Variants in AGBL2 observed in about 807,000 individuals in gnomAD.
AGBL2 encodes the protein AGBL carboxypeptidase 2.
In AGBL2, 87 loss-of-function variants were observed where a neutral mutation model predicts 103.0. The observed-to-expected ratio is 0.84, with a 90% CI of 0.71 to 1.01. AGBL2 has a LOEUF of 1.01. AGBL2 is among the 50% of genes least tolerant of loss of function. AGBL2 has a pLI of 0.00. For missense variants in AGBL2, 904 were observed against 1,023.5 expected, an observed-to-expected ratio of 0.88 and a Z score of 1.59; for synonymous variants, 335 against 356.7, an observed-to-expected ratio of 0.94 and a Z score of 0.69.
At chr11:47,713,726 C>G (rs2097542293) in intron 3 of AGBL2, among the ~76,000 whole-genome samples, 1 of 150,970 alleles carries the variant, frequency 6.6e-6, no homozygotes, top group Non-Finnish European at 1.5e-5. Context: ...GTAGCTGGGA[C>G]TACAGGCACC....
At chr11:47,706,923 G>A (rs371204332) in intron 4 of AGBL2, among the ~76,000 whole-genome samples, 10 of 136,710 alleles carry the variant, frequency 7.3e-5, no homozygotes, top group African/African-American at 1.1e-4. Context: ...AGAATTAGCC[G>A]GGCCTGTAAT....
Position 47,714,631 on chromosome 11 carries a change from G to A in AGBL2, c.20C>T (p.Thr7Met). The A allele has an allele frequency of 6.2e-7, 1 of 1,613,766 alleles. No individual in the cohort carries two copies. ...TTGTGTACCGACCTGCTTTAGGTGC[G>A]TTTCCAAAGCTGGGAACATGTTACT... MFPALETHLKQTIPDPY... is the reference protein window; with the variant it reads MFPALEMHLKQTIPDPY... The change falls in exon 2 of 19, where the codon ACG becomes ATG. Residue 7 changes from threonine (T) to methionine (M), a missense_variant. By Grantham distance (81) the Thr-to-Met change is moderately conservative. Coordinates refer to ENST00000525123, the MANE Select transcript of AGBL2 (RefSeq NM_024783.4).
chr11:47,670,207 C>T (rs1423670096), intron 14 of AGBL2, among the ~76,000 whole-genome samples: 2 of 152,322 alleles, frequency 1.3e-5, no homozygotes, highest in South Asian at 2.1e-4. Flanking sequence ...GGTACCAATT[C>T]AGAAATCCAG....
At chr11:47,660,654 A>T in intron 18 of AGBL2, among the ~76,000 whole-genome samples, 1 of 151,926 alleles carries the variant, frequency 6.6e-6, no homozygotes. Flanking sequence ...TCTGGGCTCA[A>T]GCAATTCTCC....
In AGBL2 at chr11:47,698,515, T is replaced by A. The variant is rs555148872; in HGVS notation, c.694+931A>T. ...CTACTTTCCTGCTGCTTGCTTTGGG[T>A]TTAGTTGGCTCTTATTTTTCCAGTT... On this transcript the variant is annotated intron_variant, in intron 8 of 18. Coordinates refer to ENST00000525123, the MANE Select transcript of AGBL2 (RefSeq NM_024783.4). Among the ~76,000 whole-genome samples, 4 of 152,248 alleles carry A rather than the reference T, an allele frequency of 2.6e-5. No homozygotes were observed. In the South Asian group the frequency reaches 8.3e-4, roughly 32 times the overall value.
Position 47,699,567 on chromosome 11 carries a change from T to C in AGBL2, c.587-14A>G. ...GTGGAGCCCACTCTGAAAGAAGACA[T>C]TTTAAAAAGTACAAAATAAGAAATA... is the stretch of plus-strand genomic sequence containing the variant. On this transcript the variant is annotated splice_polypyrimidine_tract_variant and intron_variant, in intron 7 of 18. Coordinates refer to ENST00000525123, the MANE Select transcript of AGBL2 (RefSeq NM_024783.4). 1.4e-6 allele frequency: 2 copies of C among 1,443,294 alleles called. No homozygotes were observed. Among genetic ancestry groups the C allele is most frequent in the Admixed American group, 1.8e-5 (1 of 55,130 alleles). The allele number at this position is 1,443,294 out of a possible 1,614,324, so 89.4% of individuals were successfully genotyped here. A position where few individuals can be genotyped will look rare whatever the true frequency, so the allele number is the denominator to read the frequency against.
intron 3 of AGBL2, among the ~76,000 whole-genome samples, chr11:47,713,616 T>G (rs1280603759): frequency 6.6e-6 from 1 of 150,824 alleles, no homozygotes; most frequent in African/African-American, 2.4e-5. Context: ...TGAGACAGAG[T>G]CTCACTCTGT....
chr11:47,669,103 T>C (rs2097349539), intron 14 of AGBL2, among the ~76,000 whole-genome samples, 196 bp from the exon 15 acceptor site: 1 of 152,200 alleles, frequency 6.6e-6, no homozygotes, highest in Non-Finnish European at 1.5e-5. Context: ...GGTCTCACTC[T>C]GTCACCCAGG....
chr11:47,678,283 ATACTC>A (rs2097383637), intron 13 of AGBL2, among the ~76,000 whole-genome samples: 2 of 140,084 alleles, frequency 1.4e-5, no homozygotes, highest in Admixed American at 1.4e-4. Flanking sequence ...CAACAATGCA[ATACTC>A]TATTTTATTT....
chr11:47,660,253 T>A lies in AGBL2; in HGVS notation c.2629A>T (p.Arg877Trp), dbSNP rs2097324592. ...PAPGMKPNWP[R>W]SRYPATKRGC... ...CTCTTTGTGGCAGGATATCTGCTCC[T>A]AGGCCAGTTTGGCTTCATACCTGGA... Residue 877 changes from arginine to tryptophan, a missense_variant, in exon 19 of 19, where the codon AGG becomes TGG. By Grantham distance (101) the Arg-to-Trp change is moderately radical (BLOSUM62 -3). Coordinates refer to ENST00000525123, the MANE Select transcript of AGBL2 (RefSeq NM_024783.4). 7 of 1,614,262 alleles carry A rather than the reference T, an allele frequency of 4.3e-6. No homozygotes were observed. In the African/African-American group the frequency reaches 8.0e-5, roughly 18 times the overall value.
At chr11:47,710,087 C>T (rs570497951) in intron 4 of AGBL2, 11 of 275,896 alleles carry the variant, frequency 4.0e-5, no homozygotes, top group African/African-American at 2.4e-4. Context: ...TGGGGTTTTG[C>T]CATGCTGGTC....
At chr11:47,696,036 A>AT (rs1565068979) in intron 8 of AGBL2, among the ~76,000 whole-genome samples, 5 of 9,958 alleles carry the variant, frequency 5.0e-4, no homozygotes, top group African/African-American at 1.0e-3. Context: ...AAAAAAAAAA[A>AT]GAAAAAAAAA....
chr11:47,669,627 C>G (rs752697356), intron 14 of AGBL2, among the ~76,000 whole-genome samples: 1 of 151,766 alleles, frequency 6.6e-6, no homozygotes, highest in Non-Finnish European at 1.5e-5. Context: ...TGCAGTGAAC[C>G]GAGATTGCGC....
Position 47,691,729 on chromosome 11 carries a change from A to AAAAAATATATATATAT in AGBL2, c.848+373_848+374insATATATATATATTTTT. ...TCTCAAGAAAAAAAAAAAAAAAAAA[A>AAAAAATATATATATAT]ATATATATATATATATATATATATA... On this transcript the variant is annotated intron_variant, in intron 9 of 18. Transcript: ENST00000525123. Among the ~76,000 whole-genome samples the AAAAAATATATATATAT allele has an allele frequency of 1.9e-3, 9 of 4,856 alleles. 1 individual carries two copies. The highest frequency in any genetic ancestry group is 2.9e-3 in the Non-Finnish European group (8 of 2,742). 3.2% of individuals were successfully genotyped at this position (4,856 alleles called of 152,430 possible).
chr11:47,701,178 T>C (rs1342315523), intron 7 of AGBL2, among the ~76,000 whole-genome samples: 1 of 151,848 alleles, frequency 6.6e-6, no homozygotes, highest in Non-Finnish European at 1.5e-5. Flanking sequence ...TAAAAGATCA[T>C]GTAGTTGGCT....
intron 3 of AGBL2, among the ~76,000 whole-genome samples, chr11:47,712,720 A>G (rs762532022): frequency 1.4e-4 from 22 of 151,998 alleles, no homozygotes; most frequent in Non-Finnish European, 2.6e-4. Flanking sequence ...CCTGGCCAAC[A>G]TGAGGAAACC....
At chr11:47,691,755 T>TATATATATATAA (rs1227109655) in intron 9 of AGBL2, among the ~76,000 whole-genome samples, 2 of 75,222 alleles carry the variant, frequency 2.7e-5, no homozygotes, top group Non-Finnish European at 5.2e-5. Flanking sequence ...TATATATATA[T>TATATATATATAA]AATTTGTGCA....
intron 7 of AGBL2, among the ~76,000 whole-genome samples, chr11:47,701,985 A>G (rs967577928): frequency 6.6e-6 from 1 of 151,106 alleles, no homozygotes; most frequent in African/African-American, 2.4e-5. Context: ...AAAAAAAAAA[A>G]AAAAAAAGAA....
intron 3 of AGBL2, among the ~76,000 whole-genome samples, chr11:47,713,049 A>T (rs1349281856): frequency 6.6e-6 from 1 of 150,458 alleles, no homozygotes; most frequent in African/African-American, 2.4e-5. Context: ...TCTCAAGAAT[A>T]AAAAAAACAC....
Sources: gnomAD v4.1 joint callset for allele counts (sites outside exome capture counted in the v4.1 genomes callset) on GRCh38, gnomAD v4.1.1 for gene constraint, MANE v1.5 for transcripts, NCBI Gene and HGNC (gene_info 2026-07-23, HGNC 2026-07-21) for gene names.